CPNE4: variants seen among roughly 807,000 people sequenced by gnomAD.
CPNE4 encodes copine 4, also known as copine-4.
A neutral mutation model predicts 67.9 loss-of-function variants in CPNE4; 25 were observed. That is an observed-to-expected ratio of 0.37 (90% confidence interval 0.27 to 0.51). CPNE4 has a LOEUF of 0.51. Among genes scored for constraint, CPNE4 ranks in the 20% least tolerant of loss-of-function variants. The probability of loss-of-function intolerance (pLI) is 0.93; values close to 1 mark genes in which losing one functional copy is unlikely to be tolerated. For missense variants in CPNE4, 464 were observed against 690.8 expected, an observed-to-expected ratio of 0.67 and a Z score of 3.68; for synonymous variants, 242 against 244.9, an observed-to-expected ratio of 0.99 and a Z score of 0.11.
At chr3:131,986,143 T>G (rs2073035471) in intron 1 of CPNE4, among the ~76,000 whole-genome samples, 1 of 150,254 alleles carries the variant, frequency 6.7e-6, no homozygotes, top group South Asian at 2.1e-4. Context: ...TACAACTGCT[T>G]TAACCAGATT....
intron 1 of CPNE4, among the ~76,000 whole-genome samples, chr3:132,006,985 T>A (rs555740122): frequency 6.6e-6 from 1 of 152,184 alleles, no homozygotes; most frequent in Non-Finnish European, 1.5e-5. Context: ...TCTGCTATAA[T>A]AAAAGCTCCT....
intron 2 of CPNE4, among the ~76,000 whole-genome samples, chr3:131,832,314 T>C (rs1307026445): frequency 6.6e-6 from 1 of 152,190 alleles, no homozygotes; most frequent in Non-Finnish European, 1.5e-5. Flanking sequence ...ATAGAATTAG[T>C]GCTCTATTCT....
At chr3:131,973,357 T>C (rs902248822) in intron 1 of CPNE4, among the ~76,000 whole-genome samples, 8 of 152,074 alleles carry the variant, frequency 5.3e-5, no homozygotes, top group African/African-American at 1.9e-4. Flanking sequence ...GCAAAAAAAA[T>C]GTCAATTTTT....
At chr3:131,955,409 G>GGTTTTTTTTTTT (rs1560674124) in intron 1 of CPNE4, among the ~76,000 whole-genome samples, 4 of 53,640 alleles carry the variant, frequency 7.5e-5, no homozygotes, top group African/African-American at 2.4e-4. Context: ...TTGTATGTAA[G>GGTTTTTTTTTTT]GTTTTTTTTT....
chr3:131,926,190 CA>C (rs1355018877), intron 1 of CPNE4, among the ~76,000 whole-genome samples: 2 of 151,902 alleles, frequency 1.3e-5, no homozygotes, highest in African/African-American at 2.4e-5. Flanking sequence ...GAGGGGTTAA[CA>C]AAAAAATTGT....
chr3:131,708,928 T>A (rs1240573157), intron 3 of CPNE4, among the ~76,000 whole-genome samples: 1 of 124,346 alleles, frequency 8.0e-6, no homozygotes, highest in African/African-American at 2.9e-5. Flanking sequence ...TAATTCATTC[T>A]AAAAAAAATC....
rs1373952331 is a variant in CPNE4 at position 131,891,400 on chromosome 3, C to G, written c.180+13864G>C. Among the ~76,000 whole-genome samples, 4 of 151,360 alleles carry G rather than the reference C, an allele frequency of 2.6e-5. No homozygotes were observed. In the East Asian group the frequency reaches 7.7e-4, roughly 29 times the overall value. On this transcript the variant is annotated intron_variant, in intron 2 of 15. Coordinates refer to ENST00000429747, the MANE Select transcript of CPNE4 (RefSeq NM_130808.3). ...TGGTTGCACAGGTGTATACATTAAT[C>G]AAAACTCATCAAGCTACGAGTTTTT...
intron 1 of CPNE4, among the ~76,000 whole-genome samples, chr3:131,946,586 T>G (rs1458424431): frequency 2.0e-5 from 3 of 152,182 alleles, no homozygotes; most frequent in Non-Finnish European, 4.4e-5. Context: ...ATTTTAAAAT[T>G]TGATTGCTTA....
chr3:131,932,132 T>C (rs1486781514), intron 1 of CPNE4, among the ~76,000 whole-genome samples: 1 of 152,210 alleles, frequency 6.6e-6, no homozygotes, highest in African/African-American at 2.4e-5. Flanking sequence ...TGTCAGCTAA[T>C]AGGTTTGGAC....
chr3:131,959,695 G>A (rs79215574), intron 1 of CPNE4, among the ~76,000 whole-genome samples: 2 of 152,098 alleles, frequency 1.3e-5, no homozygotes, highest in African/African-American at 2.4e-5. Flanking sequence ...ACACAATCAT[G>A]CCTCTCTGGA....
chr3:131,644,149 C>T (rs1434900607), intron 7 of CPNE4, among the ~76,000 whole-genome samples: 2 of 148,156 alleles, frequency 1.3e-5, no homozygotes, highest in African/African-American at 5.1e-5. Flanking sequence ...TGAGAATTTA[C>T]ATTTCTTTTT....
chr3:132,022,808 C>G (rs2074026132), intron 1 of CPNE4, among the ~76,000 whole-genome samples: 1 of 152,140 alleles, frequency 6.6e-6, no homozygotes, highest in Admixed American at 6.5e-5. Context: ...CTATCTGATT[C>G]CCTGTTTTCT....
intron 1 of CPNE4, among the ~76,000 whole-genome samples, chr3:132,023,435 T>A (rs1436403074): frequency 6.8e-6 from 1 of 148,084 alleles, no homozygotes; most frequent in Non-Finnish European, 1.5e-5. Context: ...TTAAAATAAA[T>A]AAAGATTTAA....
At chr3:132,026,255 T>C (rs2074114025) in intron 1 of CPNE4, among the ~76,000 whole-genome samples, 1 of 152,212 alleles carries the variant, frequency 6.6e-6, no homozygotes, top group Admixed American at 6.5e-5. Context: ...AAGTTCTAGG[T>C]TCTCTGGAGT....
chr3:131,952,798 A>C (rs1001132404), intron 1 of CPNE4, among the ~76,000 whole-genome samples: 22 of 152,182 alleles, frequency 1.4e-4, no homozygotes, highest in Non-Finnish European at 2.6e-4. Flanking sequence ...GTGGAATAGA[A>C]AGGGGGGAAA....
intron 7 of CPNE4, among the ~76,000 whole-genome samples, chr3:131,654,197 T>C (rs758174023): frequency 5.3e-5 from 8 of 152,194 alleles, no homozygotes; most frequent in Non-Finnish European, 1.0e-4. Flanking sequence ...CTGGTATTTA[T>C]ACATTTATTT....
intron 7 of CPNE4, among the ~76,000 whole-genome samples, chr3:131,634,820 G>A (rs1262636542): frequency 1.1e-4 from 17 of 152,144 alleles, no homozygotes; most frequent in Admixed American, 1.1e-3. Flanking sequence ...TTCATAAGCT[G>A]AAATCATCCT....
At position 131,733,608 on chromosome 3, in the gene CPNE4, G is replaced by A. The variant is rs537850690; in HGVS notation, c.181-9983C>T. On this transcript the variant is annotated intron_variant, in intron 2 of 15. Transcript: ENST00000429747. ...CAAAATTCATGCCTGCCTGCTAAAA[G>A]CAGGCAGAGCCTGCCAAGATTGGGA... Among the ~76,000 whole-genome samples the A allele has an allele frequency of 2.8e-4, 42 of 152,262 alleles. No homozygotes were observed. The South Asian group carries it at 8.3e-3, about 30-fold the overall frequency.
chr3:131,748,264 TTTTTAAA>T (rs1049224652), intron 2 of CPNE4, among the ~76,000 whole-genome samples: 1 of 152,032 alleles, frequency 6.6e-6, no homozygotes, highest in African/African-American at 2.4e-5. Flanking sequence ...CAATCTTTGG[TTTTTAAA>T]TTTTAAACTA....
Sources: allele counts gnomAD v4.1 joint callset (sites outside exome capture counted in the v4.1 genomes callset), GRCh38; gene constraint gnomAD v4.1.1; transcripts MANE v1.5; gene names NCBI Gene and HGNC (gene_info 2026-07-23, HGNC 2026-07-21).